Variants in CNTNAP2 observed in about 807,000 individuals in gnomAD.
CNTNAP2 encodes contactin-associated protein-like 2.
In CNTNAP2, 98 loss-of-function variants were observed where a neutral mutation model predicts 155.2. That is an observed-to-expected ratio of 0.63 (90% CI 0.54 to 0.75). The LOEUF (loss-of-function observed/expected upper bound fraction) is 0.75, where lower values mean the gene tolerates loss of function less well. Among genes scored for constraint, CNTNAP2 ranks in the 30% least tolerant of loss-of-function variants. The probability of loss-of-function intolerance (pLI) is 0.00; values close to 1 mark genes in which losing one functional copy is unlikely to be tolerated. For missense variants in CNTNAP2, 1,727 were observed against 1,688.1 expected, an observed-to-expected ratio of 1.02 and a Z score of -0.40; for synonymous variants, 651 against 631.2, an observed-to-expected ratio of 1.03 and a Z score of -0.47.
chr7:147,014,727 C>T (rs575270265), intron 3 of CNTNAP2, among the ~76,000 whole-genome samples: 10 of 152,004 alleles, frequency 6.6e-5, no homozygotes, highest in African/African-American at 2.4e-4. Flanking sequence ...GGTGGAAAGG[C>T]GGTTAATCCG....
chr7:146,877,566 ATATG>A (rs1165324507), intron 3 of CNTNAP2, among the ~76,000 whole-genome samples: 3 of 151,396 alleles, frequency 2.0e-5, no homozygotes, highest in Non-Finnish European at 2.9e-5. Flanking sequence ...TGTATACTAT[ATATG>A]TGTGTGTATA....
At chr7:146,211,701 A>C (rs1361241464) in intron 1 of CNTNAP2, among the ~76,000 whole-genome samples, 1 of 152,148 alleles carries the variant, frequency 6.6e-6, no homozygotes, top group African/African-American at 2.4e-5. Flanking sequence ...TAGCTTGGCC[A>C]CTTCAGAATT....
intron 5 of CNTNAP2, among the ~76,000 whole-genome samples, chr7:147,110,357 C>T (rs923864978): frequency 1.4e-5 from 2 of 146,266 alleles, no homozygotes; most frequent in South Asian, 2.1e-4. Flanking sequence ...AGTAATGGTA[C>T]CTTTTTCTTT....
At chr7:146,911,510 C>T (rs1796277472) in intron 3 of CNTNAP2, among the ~76,000 whole-genome samples, 1 of 151,988 alleles carries the variant, frequency 6.6e-6, no homozygotes, top group Non-Finnish European at 1.5e-5. Context: ...TTTGTAGGGA[C>T]ATGGATGAAA....
chr7:148,357,446 G>A (rs1340148599), intron 21 of CNTNAP2, among the ~76,000 whole-genome samples: 1 of 152,092 alleles, frequency 6.6e-6, no homozygotes, highest in Non-Finnish European at 1.5e-5. Context: ...TGATTTCTTG[G>A]TTTTGTGAAA....
intron 1 of CNTNAP2, among the ~76,000 whole-genome samples, chr7:146,590,647 G>A (rs35072930): frequency 0.055 from 8,353 of 152,184 alleles, 334 homozygotes; most frequent in Non-Finnish European, 0.088. Flanking sequence ...GTGATAGGCC[G>A]AAGTTAAAAC....
At chr7:148,258,247 C>T (rs1796491815) in intron 20 of CNTNAP2, among the ~76,000 whole-genome samples, 2 of 152,176 alleles carry the variant, frequency 1.3e-5, no homozygotes, top group South Asian at 4.1e-4. Flanking sequence ...ACTGAGGCAG[C>T]GTCCTTGAAC....
intron 1 of CNTNAP2, among the ~76,000 whole-genome samples, chr7:146,501,346 GT>G (rs1797297580): frequency 6.6e-6 from 1 of 152,004 alleles, no homozygotes; most frequent in Non-Finnish European, 1.5e-5. Flanking sequence ...TTGGCTTGAA[GT>G]TTCTGTTGTG....
intron 15 of CNTNAP2, among the ~76,000 whole-genome samples, chr7:148,076,927 CT>C (rs1163666273): frequency 3.3e-5 from 5 of 152,304 alleles, no homozygotes; most frequent in Admixed American, 1.3e-4. Context: ...CCAGCACAAA[CT>C]CTGTATGCAT....
intron 1 of CNTNAP2, among the ~76,000 whole-genome samples, chr7:146,515,615 C>T (rs1797529684): frequency 6.6e-6 from 1 of 152,018 alleles, no homozygotes; most frequent in Non-Finnish European, 1.5e-5. Flanking sequence ...AATAAGGAAT[C>T]TTAAGAGCAC....
intron 21 of CNTNAP2, among the ~76,000 whole-genome samples, chr7:148,351,602 G>C (rs955396393): frequency 2.0e-5 from 3 of 151,620 alleles, no homozygotes; most frequent in Non-Finnish European, 4.4e-5. Context: ...AATTAGCTGG[G>C]CGTGGTGGTG....
At chr7:148,355,245 G>C (rs1410794233) in intron 21 of CNTNAP2, among the ~76,000 whole-genome samples, 2 of 132,112 alleles carry the variant, frequency 1.5e-5, no homozygotes, top group Non-Finnish European at 3.1e-5. Flanking sequence ...GCAGTGGTGC[G>C]ATCTCGGCTC....
At chr7:147,205,319 C>A (rs1418169714) in intron 8 of CNTNAP2, among the ~76,000 whole-genome samples, 1 of 152,024 alleles carries the variant, frequency 6.6e-6, no homozygotes, top group Non-Finnish European at 1.5e-5. Context: ...GTTCTTTTTG[C>A]TCAGGGTTGC....
intron 21 of CNTNAP2, among the ~76,000 whole-genome samples, chr7:148,336,785 A>G (rs1010671884): frequency 2.0e-5 from 3 of 152,246 alleles, no homozygotes; most frequent in African/African-American, 4.8e-5. Context: ...TCAATCTTTC[A>G]TATGTTTTCA....
intron 14 of CNTNAP2, among the ~76,000 whole-genome samples, chr7:147,958,459 C>T (rs1801059928): frequency 6.6e-6 from 1 of 152,156 alleles, no homozygotes; most frequent in African/African-American, 2.4e-5. Context: ...ATCTCTAGGA[C>T]ATCAAGCTCA....
At chr7:147,955,306 A>G (rs1290366421) in intron 14 of CNTNAP2, among the ~76,000 whole-genome samples, 2 of 152,336 alleles carry the variant, frequency 1.3e-5, no homozygotes, top group East Asian at 3.9e-4. Flanking sequence ...TATTTATTTT[A>G]AGACAAATGA....
At chr7:146,720,943 C>A (rs866604791) in intron 1 of CNTNAP2, among the ~76,000 whole-genome samples, 15 of 131,188 alleles carry the variant, frequency 1.1e-4, no homozygotes, top group African/African-American at 4.7e-4. Context: ...TATACTTTCT[C>A]TATATATTCT....
chr7:146,717,258 T>A (rs1015781312), intron 1 of CNTNAP2, among the ~76,000 whole-genome samples: 3 of 151,970 alleles, frequency 2.0e-5, no homozygotes, highest in Non-Finnish European at 4.4e-5. Flanking sequence ...CCTAGTTTTC[T>A]TTGGGAGGCC....
At chr7:146,171,396 A>C (rs1367925887) in intron 1 of CNTNAP2, among the ~76,000 whole-genome samples, 1 of 152,204 alleles carries the variant, frequency 6.6e-6, no homozygotes, top group Non-Finnish European at 1.5e-5. Context: ...AAGCACCAAA[A>C]TGAATCACAT....
Sources: gnomAD v4.1 joint callset for allele counts (sites outside exome capture counted in the v4.1 genomes callset) on GRCh38, gnomAD v4.1.1 for gene constraint, MANE v1.5 for transcripts, NCBI Gene and HGNC (gene_info 2026-07-23, HGNC 2026-07-21) for gene names.